Variants in TRAPPC8 observed in about 807,000 individuals in gnomAD.
TRAPPC8 encodes the protein general sporulation gene 1 homolog.
A neutral mutation model predicts 174.3 loss-of-function variants in TRAPPC8; 54 were observed. That is an observed-to-expected ratio of 0.31 (90% CI 0.25 to 0.39). The LOEUF is 0.39. Ranked by LOEUF, TRAPPC8 falls within the 10% of genes least tolerant of loss-of-function variation. TRAPPC8 has a pLI of 1.00. For missense variants in TRAPPC8, 1,531 were observed against 1,699.1 expected (o/e 0.90, Z 1.74); for synonymous variants, 630 against 579.9 (o/e 1.09, Z -1.24).
intron 19 of TRAPPC8, among the ~76,000 whole-genome samples, chr18:31,858,666 AT>A (rs2034162175): frequency 6.6e-6 from 1 of 152,230 alleles, no homozygotes; most frequent in South Asian, 2.1e-4. Flanking sequence ...TCTAAAAAAA[AT>A]TTTTAAATTG....
rs1257435495 is a variant in TRAPPC8 at position 31,919,567 on chromosome 18, AATAAATAAATAAATAAATAAATAAAAT to A, written c.353-1927_353-1901del. 3.1e-4 allele frequency among the ~76,000 whole-genome samples: 39 copies of A among 127,844 alleles called. No individual in the cohort carries two copies. The East Asian group carries it at 3.8e-3, about 13-fold the overall frequency. The allele number at this position is 127,844 out of a possible 152,430, so 83.9% of individuals were successfully genotyped here. A position where few individuals can be genotyped will look rare whatever the true frequency, so the allele number is the denominator to read the frequency against. ...AAATAAATAAATAAATAAATAAATA[AATAAATAAATAAATAAATAAATAAAAT>A]AATAATAATCCTAACACTTTGGGAG... is the stretch of plus-strand genomic sequence containing the variant. On this transcript the variant is annotated intron_variant, in intron 2 of 28. Transcript: ENST00000283351.
At chr18:31,840,923 A>AC (rs2033057753) in intron 26 of TRAPPC8, among the ~76,000 whole-genome samples, 1 of 152,076 alleles carries the variant, frequency 6.6e-6, no homozygotes, top group Non-Finnish European at 1.5e-5. Context: ...AAAAAAAAAA[A>AC]AGACAAATTT....
At chr18:31,919,532 CAAAATAAATAAATAAA>C (rs1240281093) in intron 2 of TRAPPC8, among the ~76,000 whole-genome samples, 92 of 119,186 alleles carry the variant, frequency 7.7e-4, no homozygotes, top group African/African-American at 2.7e-3. Flanking sequence ...GACTCAGTCT[CAAAATAAATAAATAAA>C]TAAATAAATA....
chr18:31,908,960 T>A lies in TRAPPC8; in HGVS notation c.916A>T (p.Ser306Cys). Residue 306 changes from serine to cysteine, a missense_variant, in exon 7 of 29, where the codon AGT becomes TGT. By Grantham distance (112) the Ser-to-Cys change is moderately radical. Transcript: ENST00000283351. The stretch of plus-strand genomic sequence containing the variant: ...CCATCAATACTGTTAGAAGGGTCAC[T>A]GGATTGCTCCAACTGAAGTGGGTGA... ...RAHPLQLEQSSDPSNSIDGPD... is the reference protein window; with the variant it reads ...RAHPLQLEQSCDPSNSIDGPD... The A allele has an allele frequency of 6.2e-7, 1 of 1,613,110 alleles. No homozygotes were observed. The highest frequency in any genetic ancestry group is 8.5e-7 in the Non-Finnish European group (1 of 1,179,446).
intron 10 of TRAPPC8, 29 bp downstream of exon 10, chr18:31,900,896 T>A: frequency 2.1e-6 from 3 of 1,398,420 alleles, no homozygotes; most frequent in South Asian, 1.2e-5. Flanking sequence ...TTTAACTGGA[T>A]ACAATATAAA....
chr18:31,854,626 G>T (rs2033894276), intron 21 of TRAPPC8, among the ~76,000 whole-genome samples: 1 of 152,056 alleles, frequency 6.6e-6, no homozygotes, highest in African/African-American at 2.4e-5. Context: ...TCAATCTAAT[G>T]CTAAGAGTCC....
At chr18:31,922,809 G>A (rs980979830) in intron 2 of TRAPPC8, among the ~76,000 whole-genome samples, 1 of 152,132 alleles carries the variant, frequency 6.6e-6, no homozygotes, top group African/African-American at 2.4e-5. Flanking sequence ...CTTGAGCCCA[G>A]GAGTTCGAGA....
At chr18:31,916,559 G>A in intron 3 of TRAPPC8, 113 bp from the exon 4 acceptor site, 1 of 1,104,270 alleles carries the variant, frequency 9.1e-7, no homozygotes, top group Non-Finnish European at 1.2e-6. Flanking sequence ...CTGAGACAAA[G>A]TCTCACTCTG....
At chr18:31,916,722 C>T (rs969831390) in intron 3 of TRAPPC8, among the ~76,000 whole-genome samples, 4 of 151,704 alleles carry the variant, frequency 2.6e-5, no homozygotes, top group Admixed American at 6.6e-5. Context: ...TTTGTAAAGA[C>T]GGGGTTTCAC....
chr18:31,901,548 A>G (rs891487912), intron 9 of TRAPPC8, among the ~76,000 whole-genome samples: 4 of 152,184 alleles, frequency 2.6e-5, no homozygotes, highest in Non-Finnish European at 5.9e-5. Context: ...GAATACAGAG[A>G]TCAAAAGGGA....
intron 18 of TRAPPC8, among the ~76,000 whole-genome samples, chr18:31,865,845 TTGTC>T (rs994824752): frequency 1.5e-3 from 220 of 151,498 alleles, no homozygotes; most frequent in Admixed American, 6.6e-3. Context: ...TAAATAAACT[TTGTC>T]TGGTTCTTGT....
At chr18:31,881,775 G>C (rs1451717277) in intron 12 of TRAPPC8, among the ~76,000 whole-genome samples, 3 of 151,668 alleles carry the variant, frequency 2.0e-5, no homozygotes, top group Admixed American at 2.0e-4. Context: ...GAATCTAAAA[G>C]TAACTTAAAT....
At chr18:31,895,316 G>A (rs942799763) in intron 11 of TRAPPC8, among the ~76,000 whole-genome samples, 2 of 152,056 alleles carry the variant, frequency 1.3e-5, no homozygotes, top group African/African-American at 4.8e-5. Context: ...TTATAAACAT[G>A]CCTAATAATC....
intron 4 of TRAPPC8, among the ~76,000 whole-genome samples, chr18:31,915,711 C>A (rs969663322): frequency 6.8e-6 from 1 of 146,026 alleles, no homozygotes; most frequent in Non-Finnish European, 1.5e-5. Context: ...GGTGAAACCC[C>A]GTCTCTACTA....
In TRAPPC8 at chr18:31,926,221, T is replaced by C. The variant is rs527335331; in HGVS notation, c.352+5108A>G. ...CACAATTGTATTGTGTATCTATTTA[T>C]GCATGGAGACCCTTTGGAGAGCCAC... On this transcript the variant is annotated intron_variant, in intron 2 of 28. Coordinates refer to ENST00000283351, the MANE Select transcript of TRAPPC8 (RefSeq NM_014939.5). Among the ~76,000 whole-genome samples, 8 of 152,346 alleles carry C rather than the reference T, an allele frequency of 5.3e-5. No individual in the cohort carries two copies. In the South Asian group the frequency reaches 1.2e-3, roughly 24 times the overall value.
chr18:31,839,595 C>A, intron 26 of TRAPPC8, 138 bp from the exon 27 acceptor site: 1 of 658,612 alleles, frequency 1.5e-6, no homozygotes, highest in Non-Finnish European at 2.3e-6. Flanking sequence ...TGCTGTTAAG[C>A]TAATAGCTGC....
At chr18:31,837,984 A>G (rs113210540) in intron 27 of TRAPPC8, among the ~76,000 whole-genome samples, 9,321 of 150,938 alleles carry the variant, frequency 0.062, 296 homozygotes, top group Middle Eastern at 0.11. Context: ...AAAAAAAAAA[A>G]AGAGAGACAG....
intron 2 of TRAPPC8, among the ~76,000 whole-genome samples, chr18:31,930,378 C>T (rs1053403765): frequency 6.6e-6 from 1 of 152,024 alleles, no homozygotes; most frequent in Non-Finnish European, 1.5e-5. Context: ...CCTCGGCCTC[C>T]CAAAGTGCTG....
At position 31,910,318 on chromosome 18, in the gene TRAPPC8, C is replaced by G. The variant is rs147002939; in HGVS notation, c.772-558G>C. ...AACTAAAAATACCCAGACTACTCTA[C>G]AAGACCAGTAAATATGATGTATTAT... On this transcript the variant is annotated intron_variant, in intron 5 of 28. Transcript: ENST00000283351. 3.4e-3 allele frequency among the ~76,000 whole-genome samples: 518 copies of G among 152,212 alleles called. 2 individuals are homozygous for G. Among genetic ancestry groups the G allele is most frequent in the Non-Finnish European group, 5.7e-3 (386 of 67,978 alleles).
Sources: allele counts gnomAD v4.1 joint callset (sites outside exome capture counted in the v4.1 genomes callset), GRCh38; gene constraint gnomAD v4.1.1; transcripts MANE v1.5; gene names NCBI Gene and HGNC (gene_info 2026-07-23, HGNC 2026-07-21).